PTPRD: variants seen among roughly 807,000 people sequenced by gnomAD.
PTPRD encodes the protein protein tyrosine phosphatase receptor type D, also known as receptor-type tyrosine-protein phosphatase delta.
In PTPRD, 34 loss-of-function variants were observed where a neutral mutation model predicts 214.5. That is an observed-to-expected ratio of 0.16 (90% CI 0.12 to 0.21). The LOEUF (loss-of-function observed/expected upper bound fraction) is 0.21. PTPRD is among the 10% of genes least tolerant of loss of function. The pLI, the probability that PTPRD is intolerant of heterozygous loss-of-function variation, is 1.00. For synonymous variants in PTPRD, 1,128 were observed against 845.7 expected (o/e 1.33, Z -5.79); for missense variants, 2,545 against 2,398.7 (o/e 1.06, Z -1.27).
chr9:8,930,351 C>G (rs2098943896), intron 11 of PTPRD, among the ~76,000 whole-genome samples: 1 of 152,016 alleles, frequency 6.6e-6, no homozygotes, highest in Non-Finnish European at 1.5e-5. Context: ...TTTCTTAATC[C>G]AGTCTATCAT....
At chr9:9,154,863 C>T (rs904161276) in intron 10 of PTPRD, among the ~76,000 whole-genome samples, 2 of 152,008 alleles carry the variant, frequency 1.3e-5, no homozygotes, top group African/African-American at 4.8e-5. Flanking sequence ...GATTTTTAAC[C>T]AGTAAAAAAT....
chr9:8,495,534 G>A (rs773482706), intron 26 of PTPRD, among the ~76,000 whole-genome samples: 1 of 152,218 alleles, frequency 6.6e-6, no homozygotes, highest in South Asian at 2.1e-4. Flanking sequence ...CCATTTAGTA[G>A]GTTGTGAAAT....
At chr9:10,275,783 G>A (rs1247880755) in intron 3 of PTPRD, among the ~76,000 whole-genome samples, 1 of 152,184 alleles carries the variant, frequency 6.6e-6, no homozygotes, top group Non-Finnish European at 1.5e-5. Flanking sequence ...ATAGAGGCAG[G>A]AAATGGTGGA....
At chr9:9,199,676 T>C (rs1372539517) in intron 9 of PTPRD, among the ~76,000 whole-genome samples, 1 of 152,166 alleles carries the variant, frequency 6.6e-6, no homozygotes, top group Non-Finnish European at 1.5e-5. Context: ...TTCAGAAATA[T>C]GCCTAGAGTC....
intron 14 of PTPRD, among the ~76,000 whole-genome samples, chr9:8,547,177 T>G (rs955056747): frequency 2.0e-5 from 3 of 152,172 alleles, no homozygotes; most frequent in Non-Finnish European, 1.5e-5. Context: ...AAGATGTCAG[T>G]ACATGTCCAA....
At chr9:9,073,376 T>C (rs762164913) in intron 10 of PTPRD, among the ~76,000 whole-genome samples, 15 of 152,166 alleles carry the variant, frequency 9.9e-5, no homozygotes, top group Non-Finnish European at 2.1e-4. Flanking sequence ...AAAAATCAAA[T>C]ATTTGGTTAT....
chr9:8,471,873 C>T (rs1040767328), intron 30 of PTPRD, among the ~76,000 whole-genome samples: 1 of 152,150 alleles, frequency 6.6e-6, no homozygotes, highest in Admixed American at 6.5e-5. Flanking sequence ...AGTATATACT[C>T]TGCTTTCATA....
chr9:8,630,952 C>T (rs1359305394), intron 14 of PTPRD, among the ~76,000 whole-genome samples: 1 of 151,848 alleles, frequency 6.6e-6, no homozygotes, highest in Non-Finnish European at 1.5e-5. Flanking sequence ...AACTCAAAAA[C>T]GTTTCTGATA....
chr9:10,142,990 T>C (rs558928651), intron 3 of PTPRD, among the ~76,000 whole-genome samples: 180 of 151,954 alleles, frequency 1.2e-3, no homozygotes, highest in Non-Finnish European at 2.3e-3. Context: ...ATGGATGAAA[T>C]TGAAATCATC....
chr9:10,224,558 C>G (rs1054121115), intron 3 of PTPRD, among the ~76,000 whole-genome samples: 9 of 151,980 alleles, frequency 5.9e-5, no homozygotes, highest in African/African-American at 1.9e-4. Flanking sequence ...TGAAATTCTG[C>G]CATGCCTATC....
intron 7 of PTPRD, among the ~76,000 whole-genome samples, chr9:9,718,223 T>C (rs985739665): frequency 6.6e-6 from 1 of 152,200 alleles, no homozygotes; most frequent in African/African-American, 2.4e-5. Flanking sequence ...GGAGATGGCA[T>C]TGAAAACATG....
chr9:9,124,474 G>A (rs1453655554), intron 10 of PTPRD, among the ~76,000 whole-genome samples: 1 of 151,998 alleles, frequency 6.6e-6, no homozygotes, highest in Non-Finnish European at 1.5e-5. Context: ...ACTGAAATTA[G>A]ACCAGAGAAG....
intron 2 of PTPRD, among the ~76,000 whole-genome samples, chr9:10,526,302 A>C (rs1031948206): frequency 6.6e-6 from 1 of 152,158 alleles, no homozygotes; most frequent in Non-Finnish European, 1.5e-5. Context: ...TCTTGGGCAC[A>C]TATTTCAAAA....
chr9:8,575,691 T>G, intron 14 of PTPRD, among the ~76,000 whole-genome samples: 1 of 152,228 alleles, frequency 6.6e-6, no homozygotes, highest in Non-Finnish European at 1.5e-5. Flanking sequence ...GCTCACTTTT[T>G]GCTCAAGAAT....
chr9:8,831,753 A>C (rs2097296693), intron 11 of PTPRD, among the ~76,000 whole-genome samples: 1 of 152,198 alleles, frequency 6.6e-6, no homozygotes, highest in Non-Finnish European at 1.5e-5. Flanking sequence ...ATTGGTTTCA[A>C]CACTGTATCA....
intron 14 of PTPRD, among the ~76,000 whole-genome samples, chr9:8,542,472 T>C (rs1204170266): frequency 6.6e-6 from 1 of 152,178 alleles, no homozygotes; most frequent in Non-Finnish European, 1.5e-5. Flanking sequence ...TGGTAATATT[T>C]TGAAGATGAG....
intron 9 of PTPRD, among the ~76,000 whole-genome samples, chr9:9,276,681 G>C (rs1270379212): frequency 1.3e-5 from 2 of 151,184 alleles, no homozygotes; most frequent in African/African-American, 4.8e-5. Flanking sequence ...TTCTCCACTT[G>C]GCTCTCATGG....
intron 2 of PTPRD, among the ~76,000 whole-genome samples, chr9:10,545,005 T>C (rs994292588): frequency 6.6e-6 from 1 of 152,220 alleles, no homozygotes; most frequent in African/African-American, 2.4e-5. Context: ...CTTTAACTTT[T>C]ATAAGTTTAA....
chr9:10,064,527 A>G (rs2097842046), intron 3 of PTPRD, among the ~76,000 whole-genome samples: 1 of 151,816 alleles, frequency 6.6e-6, no homozygotes, highest in Non-Finnish European at 1.5e-5. Context: ...ATTGTGGTTA[A>G]TGGTCTATCA....
Sources: gnomAD v4.1 joint callset for allele counts (sites outside exome capture counted in the v4.1 genomes callset) on GRCh38, gnomAD v4.1.1 for gene constraint, MANE v1.5 for transcripts, NCBI Gene and HGNC (gene_info 2026-07-23, HGNC 2026-07-21) for gene names.